CDH12: variants seen among roughly 807,000 people sequenced by gnomAD.
CDH12 encodes cadherin 12, also known as cadherin-12.
A neutral mutation model predicts 74.1 loss-of-function variants in CDH12; 41 were observed. The ratio of observed to expected loss-of-function variants is 0.55; its 90% CI spans 0.43 to 0.72. The LOEUF is 0.72. Ranked by LOEUF, CDH12 falls within the 30% of genes least tolerant of loss-of-function variation. The pLI is 0.00. For synonymous variants in CDH12, 399 were observed against 355.0 expected, an observed-to-expected ratio of 1.12 and a Z score of -1.39; for missense variants, 945 against 977.2, an observed-to-expected ratio of 0.97 and a Z score of 0.44.
At position 22,726,409 on chromosome 5, in the gene CDH12, G is replaced by A. The variant is rs150014304; in HGVS notation, c.-523+126649C>T. On this transcript the variant is annotated intron_variant, in intron 1 of 14. Coordinates refer to ENST00000382254, the MANE Select transcript of CDH12 (RefSeq NM_004061.5). The stretch of plus-strand genomic sequence containing the variant: ...TTTTAGTGCTAAATAATAATTCATC[G>A]TCTAGATGTATTTTTATCTATTCAT... Among the ~76,000 whole-genome samples the A allele has an allele frequency of 5.7e-3, 860 of 151,550 alleles. 6 individuals carry two copies. The highest frequency in any genetic ancestry group is 0.02 in the African/African-American group (824 of 41,380).
chr5:22,232,016 G>A (rs1752403706), intron 3 of CDH12, among the ~76,000 whole-genome samples: 1 of 151,498 alleles, frequency 6.6e-6, no homozygotes, highest in South Asian at 2.1e-4. Context: ...ATTAATGAAG[G>A]TTTTTTTATA....
chr5:22,175,312 C>G (rs1397897805), intron 4 of CDH12, among the ~76,000 whole-genome samples: 2 of 151,374 alleles, frequency 1.3e-5, no homozygotes, highest in Non-Finnish European at 3.0e-5. Context: ...AAATAGTAAA[C>G]CATCTATCCA....
intron 1 of CDH12, among the ~76,000 whole-genome samples, chr5:22,741,106 A>T (rs1007839250): frequency 3.3e-5 from 5 of 152,164 alleles, no homozygotes; most frequent in African/African-American, 7.2e-5. Flanking sequence ...ACAAAAGGTT[A>T]TTTCTGAAAA....
At chr5:22,571,692 G>A (rs1331977343) in intron 1 of CDH12, among the ~76,000 whole-genome samples, 3 of 152,168 alleles carry the variant, frequency 2.0e-5, no homozygotes, top group Admixed American at 1.3e-4. Flanking sequence ...AACACTTAGA[G>A]ATTACTGTAG....
At chr5:22,017,409 TCTC>T (rs1379247296) in intron 5 of CDH12, among the ~76,000 whole-genome samples, 1 of 152,096 alleles carries the variant, frequency 6.6e-6, no homozygotes, top group Non-Finnish European at 1.5e-5. Flanking sequence ...CATGCTCCTC[TCTC>T]CTCCTCACCC....
intron 3 of CDH12, among the ~76,000 whole-genome samples, chr5:22,349,167 T>G (rs1740249820): frequency 6.6e-6 from 1 of 152,208 alleles, no homozygotes; most frequent in Non-Finnish European, 1.5e-5. Context: ...ACCAATCTAC[T>G]GTTGCCTGAT....
At chr5:22,765,843 A>G (rs1029556172) in intron 1 of CDH12, among the ~76,000 whole-genome samples, 3 of 151,950 alleles carry the variant, frequency 2.0e-5, no homozygotes, top group Non-Finnish European at 4.4e-5. Context: ...ATCACAAAAC[A>G]TTAAGTAATA....
At chr5:22,243,072 C>G (rs1032015881) in intron 3 of CDH12, among the ~76,000 whole-genome samples, 1 of 151,944 alleles carries the variant, frequency 6.6e-6, no homozygotes, top group Non-Finnish European at 1.5e-5. Context: ...CTGAAGCTTT[C>G]CAAAATCCTC....
chr5:22,719,339 T>C (rs1277970734), intron 1 of CDH12, among the ~76,000 whole-genome samples: 1 of 152,220 alleles, frequency 6.6e-6, no homozygotes, highest in African/African-American at 2.4e-5. Context: ...AAAATATAAC[T>C]AGATTGATCT....
intron 5 of CDH12, among the ~76,000 whole-genome samples, chr5:22,059,441 A>T (rs932641589): frequency 6.6e-6 from 1 of 152,024 alleles, no homozygotes; most frequent in African/African-American, 2.4e-5. Context: ...GCATAGCTTT[A>T]AAAGGTACTA....
intron 8 of CDH12, among the ~76,000 whole-genome samples, chr5:21,836,341 ATGT>A (rs1279691210): frequency 6.6e-6 from 1 of 151,690 alleles, no homozygotes; most frequent in Non-Finnish European, 1.5e-5. Context: ...TTGCTTTAAA[ATGT>A]TGTTGTATTT....
At chr5:22,036,916 A>G (rs927922541) in intron 5 of CDH12, among the ~76,000 whole-genome samples, 6 of 152,214 alleles carry the variant, frequency 3.9e-5, no homozygotes, top group African/African-American at 1.4e-4. Context: ...TTGATTACTT[A>G]GAAAATGAAT....
At chr5:22,546,812 T>C (rs761038634) in intron 1 of CDH12, among the ~76,000 whole-genome samples, 1 of 152,186 alleles carries the variant, frequency 6.6e-6, no homozygotes, top group Non-Finnish European at 1.5e-5. Flanking sequence ...GTATATTTAT[T>C]TTCTAGGGCC....
At chr5:22,730,777 T>C (rs1358116601) in intron 1 of CDH12, among the ~76,000 whole-genome samples, 1 of 151,780 alleles carries the variant, frequency 6.6e-6, no homozygotes, top group East Asian at 1.9e-4. Flanking sequence ...TTAATTTGGG[T>C]TATTTAAAAG....
chr5:22,166,604 G>A (rs71609263), intron 4 of CDH12, among the ~76,000 whole-genome samples: 1 of 152,134 alleles, frequency 6.6e-6, no homozygotes, highest in Admixed American at 6.5e-5. Context: ...TGCACTGCCA[G>A]TTTCTTATAT....
chr5:22,260,775 G>A (rs1441641226), intron 3 of CDH12, among the ~76,000 whole-genome samples: 1 of 151,914 alleles, frequency 6.6e-6, no homozygotes, highest in Non-Finnish European at 1.5e-5. Flanking sequence ...ACAAGATTTA[G>A]TGTTTGCTTT....
intron 2 of CDH12, among the ~76,000 whole-genome samples, chr5:22,448,718 T>C (rs1561412120): frequency 6.6e-6 from 1 of 152,042 alleles, no homozygotes; most frequent in Non-Finnish European, 1.5e-5. Context: ...TTAATTTTTT[T>C]GTAAAAGTAA....
intron 2 of CDH12, among the ~76,000 whole-genome samples, chr5:22,497,494 G>A (rs990637589): frequency 6.6e-6 from 1 of 152,086 alleles, no homozygotes; most frequent in Admixed American, 6.6e-5. Flanking sequence ...CCAGGTTGTT[G>A]TACTTGCCTA....
chr5:21,773,012 A>G (rs763257308), intron 11 of CDH12, among the ~76,000 whole-genome samples: 7 of 152,234 alleles, frequency 4.6e-5, no homozygotes, highest in Non-Finnish European at 7.3e-5. Context: ...AATACAGTCT[A>G]TCACAATACA....
Sources: allele counts gnomAD v4.1 joint callset (sites outside exome capture counted in the v4.1 genomes callset), GRCh38; gene constraint gnomAD v4.1.1; transcripts MANE v1.5; gene names NCBI Gene and HGNC (gene_info 2026-07-23, HGNC 2026-07-21).